Variants in NTRK2 observed in about 807,000 individuals in gnomAD.
NTRK2 encodes neurotrophic receptor tyrosine kinase 2, also known as BDNF/NT-3 growth factors receptor.
Under a neutral mutation model 94.5 loss-of-function variants are expected in NTRK2, and 13 were observed. The observed-to-expected ratio is 0.14, with a 90% confidence interval of 0.09 to 0.22. NTRK2 has a LOEUF of 0.22. NTRK2 is among the 10% of genes least tolerant of loss of function. The pLI is 1.00. For missense variants in NTRK2, 639 were observed against 1,071.2 expected, an observed-to-expected ratio of 0.60 and a Z score of 5.63; for synonymous variants, 372 against 407.4, an observed-to-expected ratio of 0.91 and a Z score of 1.05.
At chr9:84,814,456 C>G (rs1261209748) in intron 12 of NTRK2, 1 of 1,065,818 alleles carries the variant, frequency 9.4e-7, no homozygotes, top group South Asian at 4.5e-5. Flanking sequence ...TTCTCTCTCT[C>G]TCTAGTATTC....
intron 12 of NTRK2, among the ~76,000 whole-genome samples, chr9:84,804,420 T>C (rs2070860861): frequency 6.6e-6 from 1 of 152,228 alleles, no homozygotes; most frequent in South Asian, 2.1e-4. Context: ...TTATTTACTT[T>C]GTACAAATTG....
intron 2 of NTRK2, among the ~76,000 whole-genome samples, chr9:84,701,327 A>T (rs920320875): frequency 6.6e-6 from 1 of 152,170 alleles, no homozygotes; most frequent in Non-Finnish European, 1.5e-5. Flanking sequence ...AAATTTCCCC[A>T]TGGAAGCCCC....
intron 6 of NTRK2, among the ~76,000 whole-genome samples, chr9:84,712,238 A>T (rs2061455950): frequency 6.6e-6 from 1 of 151,960 alleles, no homozygotes; most frequent in African/African-American, 2.4e-5. Context: ...ATTTTTTTCC[A>T]TTGTAATTTT....
intron 12 of NTRK2, among the ~76,000 whole-genome samples, chr9:84,833,195 C>A (rs941352701): frequency 2.2e-4 from 33 of 152,160 alleles, no homozygotes; most frequent in Non-Finnish European, 4.6e-4. Flanking sequence ...GGTCTGACAG[C>A]CATTGTTCTG....
At chr9:84,733,581 G>T (rs1043356424) in intron 9 of NTRK2, among the ~76,000 whole-genome samples, 1 of 152,138 alleles carries the variant, frequency 6.6e-6, no homozygotes, top group African/African-American at 2.4e-5. Context: ...ACAGCCTCTT[G>T]CCCATATAAC....
chr9:84,916,732 A>G (rs998564588), intron 14 of NTRK2, among the ~76,000 whole-genome samples: 2 of 152,202 alleles, frequency 1.3e-5, no homozygotes, highest in African/African-American at 4.8e-5. Context: ...GAGATTAGTC[A>G]AAGACCAAGT....
intron 2 of NTRK2, among the ~76,000 whole-genome samples, chr9:84,689,793 C>A (rs1488447853): frequency 2.0e-5 from 3 of 152,134 alleles, no homozygotes; most frequent in Non-Finnish European, 2.9e-5. Context: ...CATAACCTTA[C>A]CTCCCTCTAG....
At position 84,992,291 on chromosome 9, in the gene NTRK2, A is replaced by G. The variant is rs117572457; in HGVS notation, c.2173-27915A>G. On this transcript the variant is annotated intron_variant, in intron 17 of 18. Coordinates refer to ENST00000277120, the MANE Select transcript of NTRK2 (RefSeq NM_006180.6). ...GCAGATGTGACTACTTACATGGCCC[A>G]ATGGAATCTGTTCTCCCCAGAAAAT... Among the ~76,000 whole-genome samples the G allele has an allele frequency of 5.7e-3, 863 of 152,068 alleles. 26 individuals carry two copies. The highest frequency in any genetic ancestry group is 0.039 in the Admixed American group (598 of 15,274).
At chr9:84,877,650 T>C in intron 14 of NTRK2, 1 of 1,064,894 alleles carries the variant, frequency 9.4e-7, no homozygotes, top group Non-Finnish European at 1.1e-6. Flanking sequence ...GATTGCTAAA[T>C]GTTGCCTAAC....
At chr9:84,816,047 A>G (rs2072364538) in intron 12 of NTRK2, among the ~76,000 whole-genome samples, 1 of 152,112 alleles carries the variant, frequency 6.6e-6, no homozygotes. Context: ...ATTCTATGGC[A>G]AAGCCCTTTG....
chr9:84,924,228 G>GGAGA (rs1564468564), intron 14 of NTRK2, among the ~76,000 whole-genome samples: 1 of 92,426 alleles, frequency 1.1e-5, no homozygotes, highest in Non-Finnish European at 2.3e-5. Flanking sequence ...AAGAAAGAAA[G>GGAGA]TAGAAAGAAA....
chr9:84,841,773 G>C (rs934793933), intron 12 of NTRK2, among the ~76,000 whole-genome samples: 7 of 152,184 alleles, frequency 4.6e-5, no homozygotes, highest in Non-Finnish European at 5.9e-5. Context: ...GTAATTCTCT[G>C]TCTGCCCCCA....
intron 12 of NTRK2, chr9:84,814,792 A>G: frequency 9.4e-7 from 1 of 1,064,254 alleles, no homozygotes; most frequent in Non-Finnish European, 1.1e-6. Context: ...GGGTTGGTGC[A>G]TCCAGCCACA....
intron 16 of NTRK2, 87 bp from the exon 17 acceptor site, chr9:84,955,196 C>A: frequency 8.9e-7 from 1 of 1,126,248 alleles, no homozygotes. Context: ...AGGAGCTTAG[C>A]AAGAGGGACG....
chr9:84,922,024 G>C (rs2077582636), intron 14 of NTRK2, among the ~76,000 whole-genome samples: 1 of 152,002 alleles, frequency 6.6e-6, no homozygotes, highest in Non-Finnish European at 1.5e-5. Context: ...AAAATCTATG[G>C]ATTTTTTTCC....
Position 84,868,685 on chromosome 9 carries a change from T to C in NTRK2, c.1633+1254T>C, listed in dbSNP as rs367792825. Among the ~76,000 whole-genome samples the C allele has an allele frequency of 1.4e-4, 21 of 152,272 alleles. No homozygotes were observed. The East Asian group carries it at 3.9e-3, about 28-fold the overall frequency. ...GTCATTGTGGTGTGAACAAGGTGAG[T>C]AGAGGCATTGCTTAAAATGTGCCTT... is the stretch of plus-strand genomic sequence containing the variant. On this transcript the variant is annotated intron_variant, in intron 14 of 18. Transcript: ENST00000277120.
intron 11 of NTRK2, among the ~76,000 whole-genome samples, chr9:84,746,345 C>T (rs967784902): frequency 6.6e-6 from 1 of 152,100 alleles, no homozygotes; most frequent in African/African-American, 2.4e-5. Context: ...CAGCAGAGAC[C>T]ATATGGTCTG....
At chr9:84,992,924 A>G (rs150048806) in intron 17 of NTRK2, among the ~76,000 whole-genome samples, 4 of 147,190 alleles carry the variant, frequency 2.7e-5, no homozygotes, top group African/African-American at 1.0e-4. Context: ...ATATATAAAT[A>G]TATTTAATGT....
intron 12 of NTRK2, among the ~76,000 whole-genome samples, chr9:84,838,925 A>T (rs2074024903): frequency 6.6e-6 from 1 of 151,864 alleles, no homozygotes; most frequent in Non-Finnish European, 1.5e-5. Context: ...ATGTTTTGCT[A>T]TGCAACTTGG....
Sources: allele counts gnomAD v4.1 joint callset (sites outside exome capture counted in the v4.1 genomes callset), GRCh38; gene constraint gnomAD v4.1.1; transcripts MANE v1.5; gene names NCBI Gene and HGNC (gene_info 2026-07-23, HGNC 2026-07-21).